The following COQ8A variants were observed in gnomAD, a reference collection of about 807,000 sequenced individuals.
COQ8A encodes the protein atypical kinase COQ8A, mitochondrial.
In COQ8A, 51 loss-of-function variants were observed where a neutral mutation model predicts 65.0. That is an observed-to-expected ratio of 0.78 (90% CI 0.63 to 0.99). The LOEUF is 0.99. Among genes scored for constraint, COQ8A ranks in the 50% least tolerant of loss-of-function variants. The pLI, the probability that COQ8A is intolerant of heterozygous loss-of-function variation, is 0.00. For missense variants in COQ8A, 940 were observed against 875.0 expected (o/e 1.07, Z -0.94); for synonymous variants, 371 against 353.2 (o/e 1.05, Z -0.57).
Position 226,984,952 on chromosome 1 carries a change from A to G in COQ8A, c.1572+11A>G, listed in dbSNP as rs767006164. 27 of 1,614,010 alleles carry G rather than the reference A, an allele frequency of 1.7e-5. No individual in the cohort carries two copies. Among genetic ancestry groups the G allele is most frequent in the Non-Finnish European group, 1.6e-5 (19 of 1,179,972 alleles). On this transcript the variant is annotated intron_variant, in intron 13 of 14. Transcript: ENST00000366777. ...GACCTCTACATTCAGGTAACTGGAG[A>G]GGGGCCCTGGCCTTGGTCCATGTTT...
At chr1:226,984,050 G>A (rs769414236) in intron 10 of COQ8A, 44 bp from the exon 11 acceptor site, 15 of 1,610,650 alleles carry the variant, frequency 9.3e-6, no homozygotes, top group East Asian at 2.2e-5. Context: ...GGGGGACGGT[G>A]TGGAGGGCCT....
chr1:226,963,218 C>T (rs573995526), intron 2 of COQ8A, among the ~76,000 whole-genome samples: 3 of 152,352 alleles, frequency 2.0e-5, no homozygotes, highest in Admixed American at 1.3e-4. Context: ...GCCACACCAC[C>T]CAGGAGGCAC....
At chr1:226,962,627 G>T (rs1278997654) in intron 2 of COQ8A, among the ~76,000 whole-genome samples, 1 of 152,182 alleles carries the variant, frequency 6.6e-6, no homozygotes, top group Non-Finnish European at 1.5e-5. Flanking sequence ...AAAGGTCACC[G>T]CCCTCCTGCA....
At position 226,968,320 on chromosome 1, in the gene COQ8A, G is replaced by A. The variant is rs78477392; in HGVS notation, c.655+2583G>A. On this transcript the variant is annotated intron_variant, in intron 4 of 14. Coordinates refer to ENST00000366777, the MANE Select transcript of COQ8A (RefSeq NM_020247.5). ...ACTGCACTCCAGTGGGGGCGACAGA[G>A]TGAGACTCTGTCTCAAAAAACAAGT... Among the ~76,000 whole-genome samples the A allele has an allele frequency of 3.9e-5, 6 of 152,302 alleles. No individual in the cohort carries two copies. In the South Asian group the frequency reaches 8.3e-4, roughly 21 times the overall value.
At position 226,946,370 on chromosome 1, in the gene COQ8A, G is replaced by A. The variant is rs1213152623; in HGVS notation, c.-10+5971G>A. Among the ~76,000 whole-genome samples the A allele has an allele frequency of 6.6e-6, 1 of 152,218 alleles. No individual in the cohort carries two copies. The highest frequency in any genetic ancestry group is 2.4e-5 in the African/African-American group (1 of 41,456). On this transcript the variant is annotated intron_variant, in intron 1 of 14. Coordinates refer to ENST00000366777, the MANE Select transcript of COQ8A (RefSeq NM_020247.5). This position sits in a 1 kb window ranked among gnomAD's most constrained non-coding sequence, Gnocchi z 5.3. ...TTCCATGGGGAGGAGGGAGCAGGAT[G>A]TGGAAGCTGGAAAACCTGTGTGGGT...
At chr1:226,967,003 T>C (rs892856164) in intron 4 of COQ8A, among the ~76,000 whole-genome samples, 4 of 152,252 alleles carry the variant, frequency 2.6e-5, no homozygotes, top group Non-Finnish European at 5.9e-5. Context: ...CCACTGTACT[T>C]AGCCATTCAG....
rs1659832365 is a variant in COQ8A, at chr1:226,983,297, T to C, written c.1081-255T>C. 4.5e-6 allele frequency: 3 copies of C among 665,424 alleles called. No individual in the cohort carries two copies. In the South Asian group the frequency reaches 5.7e-5, roughly 13 times the overall value. 41.2% of individuals were successfully genotyped at this position (665,424 alleles called of 1,614,324 possible). ...GCAAGGACAGGGGACAAGTGATTGC[T>C]TTTTGGGGCCAGAGCTGGTGGGAGG... On this transcript the variant is annotated intron_variant, in intron 8 of 14. Transcript: ENST00000366777.
intron 3 of COQ8A, 126 bp from the exon 4 acceptor site, chr1:226,965,545 G>T (rs1658511443): frequency 2.0e-6 from 3 of 1,497,780 alleles, no homozygotes; most frequent in Non-Finnish European, 2.8e-6. Flanking sequence ...TCTCTTGGTG[G>T]AGTGTGCTGT....
In COQ8A at chr1:226,986,487, T is replaced by C. The variant is rs773589141; in HGVS notation, c.1694T>C (p.Ile565Thr). 6.2e-7 allele frequency: 1 copy of C among 1,613,368 alleles called. No homozygotes were observed. The highest frequency in any genetic ancestry group is 8.5e-7 in the Non-Finnish European group (1 of 1,179,992). The change falls in exon 15 of 15, where the codon ATC becomes ACC. Residue 565 changes from isoleucine (I) to threonine (T), a missense_variant. By Grantham distance (89) the Ile-to-Thr change is moderately conservative. Coordinates refer to ENST00000366777, the MANE Select transcript of COQ8A (RefSeq NM_020247.5). ...GACGCCCACTTGGATGCCATCCTCA[T>C]CCTGGGGGAGGCCTTCGCCTCTGAT... ...MEDAHLDAIL[I>T]LGEAFASDEP... is the part of the protein sequence containing the mutation.
chr1:226,950,654 G>C (rs1157921355), intron 1 of COQ8A, among the ~76,000 whole-genome samples: 1 of 152,226 alleles, frequency 6.6e-6, no homozygotes, highest in Non-Finnish European at 1.5e-5. Context: ...AAAAGCAGCT[G>C]TAGTTATCAT....
At chr1:226,942,459 G>T (rs1170516837) in intron 1 of COQ8A, among the ~76,000 whole-genome samples, 4 of 152,082 alleles carry the variant, frequency 2.6e-5, no homozygotes, top group Admixed American at 6.5e-5. Flanking sequence ...GCTTCTCGGG[G>T]ATACTGCAAG....
At chr1:226,985,217 C>A in intron 13 of COQ8A, 37 bp from the exon 14 acceptor site, 1 of 1,605,364 alleles carries the variant, frequency 6.2e-7, no homozygotes, top group South Asian at 1.1e-5. Context: ...CTGAGCTTTT[C>A]ATGCTGCCCA....
intron 5 of COQ8A, among the ~76,000 whole-genome samples, chr1:226,979,702 G>A (rs1376208719): frequency 6.6e-6 from 1 of 152,146 alleles, no homozygotes; most frequent in African/African-American, 2.4e-5. Context: ...ACCCACCAAC[G>A]CTGCCTTCTG....
Position 226,983,547 on chromosome 1 carries a change from C to CA in COQ8A, c.1081-4dup, listed in dbSNP as rs754148330. 1 of 1,613,742 alleles carries CA rather than the reference C, an allele frequency of 6.2e-7. No homozygotes were observed. Among genetic ancestry groups the CA allele is most frequent in the Middle Eastern group, 1.6e-4 (1 of 6,062 alleles). On this transcript the variant is annotated splice_region_variant and splice_polypyrimidine_tract_variant and intron_variant, in intron 8 of 14. Coordinates refer to ENST00000366777, the MANE Select transcript of COQ8A (RefSeq NM_020247.5). Reference sequence around the variant, plus strand: ...AACTCCCCTGCCTCACCCATACCCCCACAGTACCCTGGCGTGGCCCAGAGC... The same window carrying CA: ...AACTCCCCTGCCTCACCCATACCCCCAACAGTACCCTGGCGTGGCCCAGAGC...
intron 2 of COQ8A, 106 bp downstream of exon 2, chr1:226,961,668 AG>A: frequency 7.5e-7 from 1 of 1,328,326 alleles, no homozygotes; most frequent in Non-Finnish European, 1.0e-6. Flanking sequence ...TTTGGTGGCC[AG>A]GGCCTGAGGG....
chr1:226,945,576 G>A (rs937990657), intron 1 of COQ8A, among the ~76,000 whole-genome samples: 1 of 152,140 alleles, frequency 6.6e-6, no homozygotes, highest in Admixed American at 6.5e-5. Flanking sequence ...TAATCTTCCC[G>A]AGATTGAAAA....
rs182738508 is a variant in COQ8A at position 226,947,713 on chromosome 1, C to T, written c.-10+7314C>T. Among the ~76,000 whole-genome samples, 383 of 152,214 alleles carry T rather than the reference C, an allele frequency of 2.5e-3. 1 individual carries two copies. The highest frequency in any genetic ancestry group is 3.8e-3 in the Non-Finnish European group (256 of 68,020). On this transcript the variant is annotated intron_variant, in intron 1 of 14. Transcript: ENST00000366777. ...AGTCCTAGCTACTCAGGATAATCAC[C>T]TGTGCCTGGGGAGGTTGAGGCTGCA...
intron 4 of COQ8A, among the ~76,000 whole-genome samples, chr1:226,969,342 A>G (rs180866116): frequency 7.6e-4 from 116 of 152,216 alleles, no homozygotes; most frequent in Non-Finnish European, 1.2e-3. Flanking sequence ...TCTGTCGCCC[A>G]GGCTGGAGTG....
intron 1 of COQ8A, among the ~76,000 whole-genome samples, chr1:226,960,353 G>GCA (rs200610998): frequency 1.3e-5 from 2 of 150,818 alleles, no homozygotes; most frequent in Non-Finnish European, 1.5e-5. Flanking sequence ...TGGTGGTGGT[G>GCA]GTGGTGCTTG....
Sources: gnomAD v4.1 joint callset for allele counts (sites outside exome capture counted in the v4.1 genomes callset) on GRCh38, gnomAD v4.1.1 for gene constraint, Gnocchi (gnomAD v3.1) non-coding constraint, MANE v1.5 for transcripts, NCBI Gene and HGNC (gene_info 2026-07-23, HGNC 2026-07-21) for gene names.